The following SNX31 variants were observed in gnomAD, a reference collection of about 807,000 sequenced individuals.
SNX31 encodes sorting nexin-31.
Under a neutral mutation model 65.4 loss-of-function variants are expected in SNX31, and 58 were observed. That is an observed-to-expected ratio of 0.89 (90% CI 0.72 to 1.10). The LOEUF (loss-of-function observed/expected upper bound fraction) is 1.10, where lower values mean the gene tolerates loss of function less well. Ranked by LOEUF, SNX31 falls within the 50% of genes least tolerant of loss-of-function variation. The pLI, the probability that SNX31 is intolerant of heterozygous loss-of-function variation, is 0.00. For missense variants in SNX31, 523 were observed against 529.7 expected (o/e 0.99, Z 0.12); for synonymous variants, 181 against 190.1 (o/e 0.95, Z 0.39).
chr8:100,611,935 G>T, intron 7 of SNX31, 65 bp downstream of exon 7: 1 of 1,245,042 alleles, frequency 8.0e-7, no homozygotes, highest in Non-Finnish European at 1.2e-6. Flanking sequence ...CGGGACTCTG[G>T]TAAGTCCTGA....
rs190639704 is a variant in SNX31 at position 100,613,922 on chromosome 8, C to T, written c.433-837G>A. On this transcript the variant is annotated intron_variant, in intron 5 of 13. Transcript: ENST00000311812. This position sits in a 1 kb window ranked among gnomAD's most constrained non-coding sequence, Gnocchi z 5.2. Reference sequence around the variant, plus strand: ...CTTAACTCACTAAATCACCTCTGTACCACGCAAGGAGAGGCCTCCAAGCAC... The same window carrying T: ...CTTAACTCACTAAATCACCTCTGTATCACGCAAGGAGAGGCCTCCAAGCAC... Among the ~76,000 whole-genome samples, 3 of 152,248 alleles carry T rather than the reference C, an allele frequency of 2.0e-5. No individual in the cohort carries two copies. Among genetic ancestry groups the T allele is most frequent in the East Asian group, 3.9e-4 (2 of 5,182 alleles).
At chr8:100,652,399 A>T (rs746374324), upstream of SNX31, among the ~76,000 whole-genome samples, 6 of 152,184 alleles carry the variant, frequency 3.9e-5, no homozygotes, top group Non-Finnish European at 8.8e-5. Flanking sequence ...CATGGTCAGC[A>T]CTCAATAAAA....
At chr8:100,647,360 A>G (rs1819709146) in intron 2 of SNX31, among the ~76,000 whole-genome samples, 1 of 152,210 alleles carries the variant, frequency 6.6e-6, no homozygotes, top group African/African-American at 2.4e-5. Context: ...CCCAATAGTA[A>G]ATAACAGACA....
At chr8:100,607,872 T>G (rs1316329260) in intron 8 of SNX31, among the ~76,000 whole-genome samples, 1 of 152,204 alleles carries the variant, frequency 6.6e-6, no homozygotes, top group Non-Finnish European at 1.5e-5. Context: ...ACCGCGATCA[T>G]TACAGGAGCA....
In SNX31 at chr8:100,649,458, G is replaced by A. The variant is rs771216440; in HGVS notation, c.57C>T (p.Gly19=). 4 of 1,587,512 alleles carry A rather than the reference G, an allele frequency of 2.5e-6. No homozygotes were observed. In the African/African-American group the frequency reaches 5.4e-5, roughly 21 times the overall value. The change falls in exon 1 of 14, where the codon GGC becomes GGT. Residue 19 remains glycine (G), a synonymous_variant. Transcript: ENST00000311812. ...CCAGCCCTGGGCGCACCACGTAGCG[G>A]CCCCCCAGCGCGTCGGACCGCTGCT... The part of the protein sequence containing the change: ...VSQQRSDALG[G]RYVLYSVHLD...
chr8:100,584,487 T>C (rs1303437856), intron 11 of SNX31, among the ~76,000 whole-genome samples: 1 of 152,180 alleles, frequency 6.6e-6, no homozygotes, highest in Non-Finnish European at 1.5e-5. Flanking sequence ...ATGTTTTCTA[T>C]TATTTTGTAA....
intron 9 of SNX31, among the ~76,000 whole-genome samples, chr8:100,597,067 C>T (rs1267363512): frequency 6.6e-6 from 1 of 152,152 alleles, no homozygotes; most frequent in African/African-American, 2.4e-5. Flanking sequence ...AGGGAAGGGA[C>T]CATTCCTGCC....
intron 2 of SNX31, among the ~76,000 whole-genome samples, chr8:100,643,818 C>T (rs1299186315): frequency 2.6e-5 from 4 of 152,264 alleles, no homozygotes; most frequent in East Asian, 3.9e-4. Context: ...CATTCTGTCC[C>T]TTCATTCAAA....
At chr8:100,582,896 T>C (rs1477830549) in intron 12 of SNX31, among the ~76,000 whole-genome samples, 3 of 149,650 alleles carry the variant, frequency 2.0e-5, no homozygotes, top group African/African-American at 7.4e-5. Context: ...GGCAAGAGAA[T>C]GGTGTGAACC....
chr8:100,583,430 TA>T (rs145623574), intron 12 of SNX31, among the ~76,000 whole-genome samples: 18 of 150,214 alleles, frequency 1.2e-4, no homozygotes, highest in South Asian at 4.2e-4. Context: ...TCTAATCATT[TA>T]AAAAAAAAAT....
At chr8:100,608,018 G>A (rs986378493) in intron 8 of SNX31, among the ~76,000 whole-genome samples, 1 of 152,176 alleles carries the variant, frequency 6.6e-6, no homozygotes, top group African/African-American at 2.4e-5. Context: ...GATCACGTGT[G>A]ACTTTAAGTT....
chr8:100,631,372 T>C (rs1031244419), intron 3 of SNX31, among the ~76,000 whole-genome samples: 4 of 151,874 alleles, frequency 2.6e-5, no homozygotes, highest in Admixed American at 2.6e-4. Context: ...GCGCTTCAGC[T>C]ACACTTACAT....
In SNX31 at chr8:100,594,710, T is replaced by A. The variant is rs1814904876; in HGVS notation, c.978+1929A>T. ...CATTGCTGGTGGGAATGTAAAATGA[T>A]GTAGCCATTCTCAAAAACAATTCGG... On this transcript the variant is annotated intron_variant, in intron 10 of 13. Transcript: ENST00000311812. This position sits in a 1 kb window ranked among gnomAD's most constrained non-coding sequence, Gnocchi z 4.0. 6.6e-6 allele frequency among the ~76,000 whole-genome samples: 1 copy of A among 152,182 alleles called. No individual in the cohort carries two copies. The highest frequency in any genetic ancestry group is 2.1e-4 in the South Asian group (1 of 4,834).
chr8:100,628,030 C>T (rs936246894), intron 4 of SNX31, among the ~76,000 whole-genome samples: 5 of 152,124 alleles, frequency 3.3e-5, no homozygotes, highest in African/African-American at 1.2e-4. Context: ...CAAATCAAAA[C>T]CACAAAGAGA....
intron 4 of SNX31, among the ~76,000 whole-genome samples, chr8:100,620,219 T>C (rs1002599861): frequency 1.5e-4 from 23 of 152,258 alleles, no homozygotes; most frequent in African/African-American, 4.8e-4. Context: ...GACCACAAAG[T>C]TGGGGCTCAG....
intron 3 of SNX31, among the ~76,000 whole-genome samples, chr8:100,635,222 T>TTTTATTTTTTTATTTATTTA (rs1554585612): frequency 1.6e-4 from 24 of 149,764 alleles, no homozygotes; most frequent in African/African-American, 4.4e-4. Context: ...ACCTCATCTC[T>TTTTATTTTTTTATTTATTTA]TTTATTTATT....
At chr8:100,593,228 T>A (rs1749823515) in intron 10 of SNX31, among the ~76,000 whole-genome samples, 1 of 152,074 alleles carries the variant, frequency 6.6e-6, no homozygotes, top group Non-Finnish European at 1.5e-5. Context: ...AAGACACGTG[T>A]GATATTGGTG....
chr8:100,608,182 C>T (rs1232664586), intron 8 of SNX31, among the ~76,000 whole-genome samples: 3 of 152,158 alleles, frequency 2.0e-5, no homozygotes, highest in African/African-American at 7.2e-5. Context: ...TACAACGTAA[C>T]TTGTCATTTT....
chr8:100,647,469 T>G (rs1819714824), intron 2 of SNX31, among the ~76,000 whole-genome samples: 1 of 152,126 alleles, frequency 6.6e-6, no homozygotes, highest in South Asian at 2.1e-4. Flanking sequence ...TCATCTGAGT[T>G]TTCCTGAAAA....
Sources: gnomAD v4.1 joint callset for allele counts (sites outside exome capture counted in the v4.1 genomes callset) on GRCh38, gnomAD v4.1.1 for gene constraint, Gnocchi (gnomAD v3.1) non-coding constraint, MANE v1.5 for transcripts, NCBI Gene and HGNC (gene_info 2026-07-23, HGNC 2026-07-21) for gene names.